The following ACTR10 variants were observed in gnomAD, a reference collection of about 807,000 sequenced individuals.
The protein encoded by ACTR10 is actin related protein 10.
Under a neutral mutation model 56.2 loss-of-function variants are expected in ACTR10, and 43 were observed. The ratio of observed to expected loss-of-function variants is 0.77; its 90% CI spans 0.60 to 0.99. The LOEUF is 0.99. ACTR10 is among the 50% of genes least tolerant of loss of function. The pLI, the probability that ACTR10 is intolerant of heterozygous loss-of-function variation, is 0.00. For missense variants in ACTR10, 466 were observed against 507.8 expected (o/e 0.92, Z 0.79); for synonymous variants, 170 against 176.3 (o/e 0.96, Z 0.28).
At chr14:58,206,106 T>C (rs1888856543) in intron 2 of ACTR10, among the ~76,000 whole-genome samples, 1 of 152,168 alleles carries the variant, frequency 6.6e-6, no homozygotes, top group Non-Finnish European at 1.5e-5. Context: ...ATTACTGTGT[T>C]ACCAGATAGA....
intron 4 of ACTR10, among the ~76,000 whole-genome samples, chr14:58,210,847 G>T (rs1246272307): frequency 6.6e-6 from 1 of 151,854 alleles, no homozygotes; most frequent in Non-Finnish European, 1.5e-5. Context: ...GCTAATTTTT[G>T]TATTTTTAGT....
intron 2 of ACTR10, among the ~76,000 whole-genome samples, chr14:58,205,611 G>A (rs1019681357): frequency 7.9e-5 from 12 of 152,000 alleles, no homozygotes; most frequent in African/African-American, 1.9e-4. Context: ...CACTGCGCTC[G>A]GCCCAGAAAT....
At position 58,202,878 on chromosome 14, in the gene ACTR10, G is replaced by T; in HGVS notation, c.101G>T (p.Gly34Val). The T allele has an allele frequency of 6.2e-7, 1 of 1,607,816 alleles. No homozygotes were observed. Among genetic ancestry groups the T allele is most frequent in the Non-Finnish European group, 8.5e-7 (1 of 1,176,864 alleles). ...AGGTGTGGATTTGCTGGAGAAACTG[G>T]TCCAAGATGTATAATTCCTAGTGTG... is the stretch of plus-strand genomic sequence containing the variant. ...FTKCGFAGET[G>V]PRCIIPSVIK... The change falls in exon 2 of 13, where the codon GGT (glycine) becomes GTT (valine). Residue 34 changes from glycine (G) to valine (V), a missense_variant. Gly to Val is a moderately radical substitution (Grantham distance 109, BLOSUM62 -3). Transcript: ENST00000254286.
chr14:58,224,865 C>T (rs930167754), intron 10 of ACTR10, among the ~76,000 whole-genome samples: 14 of 151,736 alleles, frequency 9.2e-5, no homozygotes, highest in African/African-American at 2.9e-4. Context: ...AGCACATGCC[C>T]GTAATCCCAG....
intron 8 of ACTR10, among the ~76,000 whole-genome samples, chr14:58,222,578 A>C (rs550106934): frequency 6.6e-6 from 1 of 152,300 alleles, no homozygotes; most frequent in Non-Finnish European, 1.5e-5. Context: ...CAGCCTGACC[A>C]ATATGGCGAA....
chr14:58,233,027 C>G (rs188624198), intron 12 of ACTR10, among the ~76,000 whole-genome samples: 3 of 151,982 alleles, frequency 2.0e-5, no homozygotes, highest in Non-Finnish European at 4.4e-5. Context: ...CCCGCCACCA[C>G]GCCTGGCTAA....
chr14:58,231,144 C>G, intron 11 of ACTR10: 1 of 282,250 alleles, frequency 3.5e-6, no homozygotes, highest in Non-Finnish European at 7.8e-6. Context: ...ACCTCCGCCC[C>G]CGGGTTCAAG....
intron 2 of ACTR10, among the ~76,000 whole-genome samples, chr14:58,204,741 T>A (rs1888815092): frequency 6.6e-6 from 1 of 152,110 alleles, no homozygotes; most frequent in Non-Finnish European, 1.5e-5. Context: ...TTATTTACAC[T>A]TTTCTTATGA....
At chr14:58,232,383 T>C (rs887254515) in intron 12 of ACTR10, 116 bp downstream of exon 12, 110 of 450,614 alleles carry the variant, frequency 2.4e-4, no homozygotes, top group Non-Finnish European at 1.9e-4. Context: ...ACTTTATAAA[T>C]AGAACTAACA....
chr14:58,208,838 G>A (rs954661701), intron 3 of ACTR10, among the ~76,000 whole-genome samples, 161 bp from the exon 4 acceptor site: 1 of 152,188 alleles, frequency 6.6e-6, no homozygotes, highest in Non-Finnish European at 1.5e-5. Context: ...TACATAGTAA[G>A]AGGTCAGAAA....
chr14:58,213,820 G>A (rs146840102), intron 6 of ACTR10, 122 bp downstream of exon 6: 178 of 667,258 alleles, frequency 2.7e-4, no homozygotes, highest in African/African-American at 2.2e-3. Flanking sequence ...TATTCATTCC[G>A]CCCTCTATTA....
intron 8 of ACTR10, among the ~76,000 whole-genome samples, chr14:58,222,157 A>G (rs1889289603): frequency 6.6e-6 from 1 of 152,070 alleles, no homozygotes; most frequent in Non-Finnish European, 1.5e-5. Flanking sequence ...TATATATTAT[A>G]CACAATTCTT....
In ACTR10 at chr14:58,209,080, C is replaced by T. The variant is rs372194628; in HGVS notation, c.315C>T (p.Leu105=). The T allele has an allele frequency of 5.7e-5, 91 of 1,595,046 alleles. No individual in the cohort carries two copies. The highest frequency in any genetic ancestry group is 7.5e-5 in the Non-Finnish European group (88 of 1,170,312). Residue 105 remains leucine, a synonymous_variant, in exon 4 of 13, where the codon CTC becomes CTT. Transcript: ENST00000254286. The part of the protein sequence containing the change: ...VLCPSHFRET[L]TRVLFKYFEV... ...GTCCTTCTCACTTCAGAGAGACACT[C>T]ACTCGTGTTCTTTTCAAATATTTTG...
chr14:58,224,466 C>T (rs913203257), intron 10 of ACTR10, among the ~76,000 whole-genome samples: 24 of 151,894 alleles, frequency 1.6e-4, no homozygotes, highest in Admixed American at 1.2e-3. Flanking sequence ...AGGCTGGTCT[C>T]GAACTCCTGA....
intron 5 of ACTR10, chr14:58,213,343 T>G (rs952272476): frequency 8.5e-6 from 2 of 236,432 alleles, no homozygotes; most frequent in Non-Finnish European, 1.6e-5. Context: ...CTAGCCATAT[T>G]TCATGTATTA....
At position 58,202,942 on chromosome 14, in the gene ACTR10, AT is replaced by A. The variant is rs75291796; in HGVS notation, c.150+16del. On this transcript the variant is annotated intron_variant, in intron 2 of 12. Transcript: ENST00000254286. ...GGATGCCTAAGGTATTTAAAAAAAA[AT>A]ATTAGCAAAATAAATGCCATACTAT... 0.42 allele frequency: 604,711 copies of A among 1,423,476 alleles called. 124,615 individuals are homozygous for A. Among genetic ancestry groups the A allele is most frequent in the Non-Finnish European group, 0.45 (459,306 of 1,022,440 alleles). 88.2% of individuals were successfully genotyped at this position (1,423,476 alleles called of 1,614,324 possible). A position where few individuals can be genotyped will look rare whatever the true frequency, so the allele number is the denominator to read the frequency against.
intron 10 of ACTR10, among the ~76,000 whole-genome samples, chr14:58,229,570 C>A (rs1889481167): frequency 6.6e-6 from 1 of 151,420 alleles, no homozygotes; most frequent in Non-Finnish European, 1.5e-5. Flanking sequence ...CCGAGCTATT[C>A]AGGTGGCTGA....
rs188285020 is a variant in ACTR10, at chr14:58,212,237, A to G, written c.450+838A>G. On this transcript the variant is annotated intron_variant, in intron 5 of 12. Transcript: ENST00000254286. ...AAGTGTTCAGCATAGGATTTGGCAC[A>G]TAGTAATTTTCTCAGTACGTGCTGT... 2.0e-3 allele frequency among the ~76,000 whole-genome samples: 305 copies of G among 152,344 alleles called. 1 individual carries two copies. The highest frequency in any genetic ancestry group is 6.8e-3 in the Middle Eastern group (2 of 294).
At chr14:58,231,410 T>G (rs1287670124) in intron 11 of ACTR10, among the ~76,000 whole-genome samples, 2 of 152,202 alleles carry the variant, frequency 1.3e-5, no homozygotes, top group Non-Finnish European at 2.9e-5. Context: ...TGGCTTGTGG[T>G]TCCTTCCAAT....
Sources: allele counts gnomAD v4.1 joint callset (sites outside exome capture counted in the v4.1 genomes callset), GRCh38; gene constraint gnomAD v4.1.1; transcripts MANE v1.5; gene names NCBI Gene and HGNC (gene_info 2026-07-23, HGNC 2026-07-21).